Variants in RIMS1 observed in about 807,000 individuals in gnomAD.
RIMS1 encodes the protein regulating synaptic membrane exocytosis protein 1.
A neutral mutation model predicts 214.1 loss-of-function variants in RIMS1; 83 were observed. The ratio of observed to expected loss-of-function variants is 0.39; its 90% CI spans 0.32 to 0.47. The LOEUF (loss-of-function observed/expected upper bound fraction) is 0.47. Among genes scored for constraint, RIMS1 ranks in the 20% least tolerant of loss-of-function variants. The probability of loss-of-function intolerance (pLI) is 0.99; values close to 1 mark genes in which losing one functional copy is unlikely to be tolerated. For missense variants in RIMS1, 2,050 were observed against 2,161.8 expected (o/e 0.95, Z 1.03); for synonymous variants, 793 against 786.8 (o/e 1.01, Z -0.13).
intron 1 of RIMS1, among the ~76,000 whole-genome samples, chr6:71,919,456 ATTGAAATGCCAGCTGGCAGT>A (rs145823764): frequency 0.1 from 15,385 of 152,070 alleles, 1,013 homozygotes; most frequent in Non-Finnish European, 0.14. Context: ...GTTTTGGCAT[ATTGAAATGCCAGCTGGCAGT>A]TTGAAATGCC....
At chr6:72,248,378 A>C (rs2071279552) in intron 12 of RIMS1, among the ~76,000 whole-genome samples, 1 of 152,212 alleles carries the variant, frequency 6.6e-6, no homozygotes, top group Non-Finnish European at 1.5e-5. Context: ...AACATAAGTA[A>C]ATAAAGAGTT....
At chr6:72,034,369 T>G (rs1257451042) in intron 2 of RIMS1, among the ~76,000 whole-genome samples, 1 of 152,140 alleles carries the variant, frequency 6.6e-6, no homozygotes, top group Non-Finnish European at 1.5e-5. Context: ...TTATTAATAA[T>G]AAAAAGCAAA....
chr6:72,192,208 T>C (rs1268241103), intron 6 of RIMS1, among the ~76,000 whole-genome samples: 1 of 152,192 alleles, frequency 6.6e-6, no homozygotes, highest in Non-Finnish European at 1.5e-5. Flanking sequence ...AAGCCCTTAC[T>C]TAAACTGGAG....
intron 29 of RIMS1, among the ~76,000 whole-genome samples, chr6:72,378,247 G>A (rs1412053876): frequency 6.6e-6 from 1 of 152,132 alleles, no homozygotes; most frequent in Non-Finnish European, 1.5e-5. Flanking sequence ...ATCTCTTTAA[G>A]TTGCCCTGCT....
intron 4 of RIMS1, among the ~76,000 whole-genome samples, chr6:72,168,721 G>GTTT (rs5877314): frequency 2.0e-5 from 2 of 101,168 alleles, no homozygotes; most frequent in East Asian, 3.3e-4. Flanking sequence ...TAGTTTCAGG[G>GTTT]TTTTTTTTTT....
intron 4 of RIMS1, among the ~76,000 whole-genome samples, chr6:72,108,011 G>GTTTTGTTTTA (rs2035126851): frequency 6.6e-6 from 1 of 151,872 alleles, no homozygotes; most frequent in Non-Finnish European, 1.5e-5. Flanking sequence ...GTTTTGTTTT[G>GTTTTGTTTTA]TTTTGTTTTA....
chr6:72,132,484 C>T (rs1027626487), intron 4 of RIMS1, among the ~76,000 whole-genome samples: 1 of 152,064 alleles, frequency 6.6e-6, no homozygotes, highest in Non-Finnish European at 1.5e-5. Flanking sequence ...TTATTGGGTA[C>T]ATAATATTAT....
chr6:72,121,286 A>G (rs1279608537), intron 4 of RIMS1, among the ~76,000 whole-genome samples: 1 of 151,916 alleles, frequency 6.6e-6, no homozygotes, highest in African/African-American at 2.4e-5. Flanking sequence ...ACCCATGAGC[A>G]TGGAATGTTG....
chr6:72,242,576 T>G, intron 10 of RIMS1, 139 bp downstream of exon 10: 1 of 560,046 alleles, frequency 1.8e-6, no homozygotes, highest in South Asian at 3.6e-5. Context: ...ATTTTTAGAT[T>G]ACTAAAAATT....
intron 24 of RIMS1, 83 bp downstream of exon 24, chr6:72,284,201 A>G: frequency 1.7e-6 from 2 of 1,178,396 alleles, no homozygotes; most frequent in Non-Finnish European, 2.5e-6. Flanking sequence ...TTACATGATC[A>G]GTTCTTAAAC....
At chr6:72,303,874 A>G (rs1243563158) in intron 26 of RIMS1, among the ~76,000 whole-genome samples, 1 of 151,586 alleles carries the variant, frequency 6.6e-6, no homozygotes, top group East Asian at 1.9e-4. Flanking sequence ...ATTTTTATAA[A>G]ATTGTAATAT....
intron 4 of RIMS1, among the ~76,000 whole-genome samples, chr6:72,163,059 C>G (rs2045701140): frequency 7.4e-6 from 1 of 134,948 alleles, no homozygotes; most frequent in South Asian, 2.6e-4. Flanking sequence ...TCACATAGTC[C>G]CATATTTCTT....
At chr6:71,944,934 A>T (rs1157535998) in intron 1 of RIMS1, among the ~76,000 whole-genome samples, 1 of 152,184 alleles carries the variant, frequency 6.6e-6, no homozygotes, top group African/African-American at 2.4e-5. Context: ...TCTAGATAGT[A>T]ACAGAGGTGG....
chr6:72,049,429 A>C (rs1206795718), intron 2 of RIMS1, among the ~76,000 whole-genome samples: 3 of 152,114 alleles, frequency 2.0e-5, no homozygotes, highest in Non-Finnish European at 4.4e-5. Context: ...ATTACACTTT[A>C]TTTCAGATAT....
At chr6:72,118,794 C>T (rs1416974978) in intron 4 of RIMS1, among the ~76,000 whole-genome samples, 1 of 151,506 alleles carries the variant, frequency 6.6e-6, no homozygotes, top group Non-Finnish European at 1.5e-5. Flanking sequence ...TAAAAATCCT[C>T]AACAACATAG....
intron 6 of RIMS1, among the ~76,000 whole-genome samples, chr6:72,231,473 G>A (rs1474601627): frequency 1.3e-5 from 2 of 151,552 alleles, no homozygotes; most frequent in African/African-American, 4.8e-5. Flanking sequence ...GCAATATTTA[G>A]TAGATAGCTA....
chr6:72,136,457 G>A (rs1397693992), intron 4 of RIMS1, among the ~76,000 whole-genome samples: 2 of 152,078 alleles, frequency 1.3e-5, no homozygotes, highest in African/African-American at 4.8e-5. Context: ...GAGAAACATT[G>A]CATTCTGATT....
chr6:72,266,152 G>A (rs1253671649), intron 22 of RIMS1, 103 bp downstream of exon 22: 5 of 828,198 alleles, frequency 6.0e-6, no homozygotes, highest in Non-Finnish European at 1.0e-5. Context: ...ATTCATTCAT[G>A]TATACTTTGC....
Position 72,185,330 on chromosome 6 carries a change from A to C in RIMS1, c.1678+2181A>C, listed in dbSNP as rs547335300. On this transcript the variant is annotated intron_variant, in intron 6 of 33. Transcript: ENST00000521978. Reference sequence around the variant, plus strand: ...AAAAAACATGAAAGCCATCAGACCCAAAACAATTCATTCCTTCTAGAGAAA... The same window carrying C: ...AAAAAACATGAAAGCCATCAGACCCCAAACAATTCATTCCTTCTAGAGAAA... Among the ~76,000 whole-genome samples the C allele has an allele frequency of 3.9e-5, 6 of 152,360 alleles. No homozygotes were observed. In the East Asian group the frequency reaches 1.2e-3, roughly 29 times the overall value.
Sources: gnomAD v4.1 joint callset for allele counts (sites outside exome capture counted in the v4.1 genomes callset) on GRCh38, gnomAD v4.1.1 for gene constraint, MANE v1.5 for transcripts, NCBI Gene and HGNC (gene_info 2026-07-23, HGNC 2026-07-21) for gene names.